Variants in USH2A observed in about 807,000 individuals in gnomAD.
The protein encoded by USH2A is usherin, also known as Usher syndrome 2A (autosomal recessive, mild).
In USH2A, 443 loss-of-function variants were observed where a neutral mutation model predicts 538.9. That is an observed-to-expected ratio of 0.82 (90% CI 0.76 to 0.89). USH2A has a LOEUF of 0.89. USH2A is among the 40% of genes least tolerant of loss of function. The probability of loss-of-function intolerance (pLI) is 0.00; values close to 1 mark genes in which losing one functional copy is unlikely to be tolerated. For synonymous variants in USH2A, 2,413 were observed against 2,273.5 expected, an observed-to-expected ratio of 1.06 and a Z score of -1.75; for missense variants, 6,633 against 6,324.8, an observed-to-expected ratio of 1.05 and a Z score of -1.65.
At chr1:216,172,585 C>T (rs984271445) in intron 21 of USH2A, among the ~76,000 whole-genome samples, 1 of 151,928 alleles carries the variant, frequency 6.6e-6, no homozygotes, top group Non-Finnish European at 1.5e-5. Context: ...GAGTTGAAAG[C>T]ACTGTTTTAA....
At chr1:216,250,838 C>A (rs1571622535) in intron 12 of USH2A, 65 bp downstream of exon 12, 28 of 1,558,002 alleles carry the variant, frequency 1.8e-5, no homozygotes, top group Non-Finnish European at 2.5e-5. Context: ...GTTAAGAAAT[C>A]AAATAGAGAA....
rs1159590905 is a variant in USH2A, at chr1:215,934,862, T to A, written c.7121-67A>T. ...GAATTCATTCCTGCTATTATTTGAG[T>A]ATTTTCTTGAGTTTCTAAATATACT... On this transcript the variant is annotated intron_variant, in intron 37 of 71. Coordinates refer to ENST00000307340, the MANE Select transcript of USH2A (RefSeq NM_206933.4). The A allele has an allele frequency of 4.8e-6, 7 of 1,448,296 alleles. No homozygotes were observed. The East Asian group carries it at 1.5e-4, about 31-fold the overall frequency. 89.7% of individuals were successfully genotyped at this position (1,448,296 alleles called of 1,614,324 possible). A position where few individuals can be genotyped will look rare whatever the true frequency, so the allele number is the denominator to read the frequency against.
In USH2A at chr1:216,108,414, T is replaced by C. The variant is rs2032788738; in HGVS notation, c.4628-11201A>G. On this transcript the variant is annotated intron_variant, in intron 21 of 71. Coordinates refer to ENST00000307340, the MANE Select transcript of USH2A (RefSeq NM_206933.4). Reference sequence around the variant, plus strand: ...TTTTATTTCCATAATCTTTTTTTTTTAGTAATCGGACTGTGAGTATACAAT... The same window carrying C: ...TTTTATTTCCATAATCTTTTTTTTTCAGTAATCGGACTGTGAGTATACAAT... 5.9e-5 allele frequency among the ~76,000 whole-genome samples: 9 copies of C among 151,662 alleles called. No individual in the cohort carries two copies. In the South Asian group the frequency reaches 1.9e-3, roughly 31 times the overall value.
At chr1:215,965,867 A>G (rs2576002) in intron 36 of USH2A, among the ~76,000 whole-genome samples, 57,239 of 151,282 alleles carry the variant, frequency 0.38, 11,144 homozygotes, top group Middle Eastern at 0.44. Context: ...TAGGTGGTAG[A>G]CTTCTGGCCT....
chr1:216,243,787 A>AT lies in USH2A; in HGVS notation c.2809+2797dup, dbSNP rs373545738. On this transcript the variant is annotated intron_variant, in intron 13 of 71. Coordinates refer to ENST00000307340, the MANE Select transcript of USH2A (RefSeq NM_206933.4). ...TAAATATTTTACAATACGCTGTTGA[A>AT]TTTTTTCAGTAAATAAAAATATTTT... Among the ~76,000 whole-genome samples the AT allele has an allele frequency of 4.8e-3, 735 of 152,162 alleles. 3 individuals carry two copies. The highest frequency in any genetic ancestry group is 0.017 in the African/African-American group (692 of 41,500).
chr1:215,951,897 G>A (rs1198464497), intron 37 of USH2A, among the ~76,000 whole-genome samples: 4 of 150,032 alleles, frequency 2.7e-5, no homozygotes, highest in South Asian at 2.1e-4. Flanking sequence ...TTGCTCTGTC[G>A]CCCAGGCTGG....
chr1:215,768,836 T>G (rs1393927022), intron 55 of USH2A, among the ~76,000 whole-genome samples: 2 of 152,212 alleles, frequency 1.3e-5, no homozygotes, highest in African/African-American at 4.8e-5. Context: ...ATTTAGAATA[T>G]AAGCCCTTTG....
intron 36 of USH2A, among the ~76,000 whole-genome samples, chr1:215,965,725 A>T (rs1192655799): frequency 6.6e-6 from 1 of 152,124 alleles, no homozygotes; most frequent in Non-Finnish European, 1.5e-5. Context: ...GAATATGTGG[A>T]TCTGCTCACA....
At chr1:215,629,868 C>G (rs573673702) in intron 70 of USH2A, among the ~76,000 whole-genome samples, 1 of 150,846 alleles carries the variant, frequency 6.6e-6, no homozygotes, top group East Asian at 2.0e-4. Flanking sequence ...CTCCGCCTCC[C>G]GGGTTCACGC....
chr1:216,240,843 C>A (rs1052667513), intron 13 of USH2A, among the ~76,000 whole-genome samples: 2 of 152,068 alleles, frequency 1.3e-5, no homozygotes, highest in Non-Finnish European at 2.9e-5. Flanking sequence ...GGAAGGAAAT[C>A]CCTAGTATAG....
At position 215,624,731 on chromosome 1, in the gene USH2A, A is replaced by T. The variant is rs571240283; in HGVS notation, c.*1050T>A. The T allele has an allele frequency of 6.6e-6, 1 of 152,266 alleles. No homozygotes were observed. The highest frequency in any genetic ancestry group is 2.1e-4 in the South Asian group (1 of 4,828). 9.4% of individuals were successfully genotyped at this position (152,266 alleles called of 1,614,324 possible). On this transcript the variant is annotated 3_prime_UTR_variant, in exon 72 of 72. Coordinates refer to ENST00000307340, the MANE Select transcript of USH2A (RefSeq NM_206933.4). ...TGATTCTGTGGCTAAAATAATGGCT[A>T]GTTCTCCAAAAAGAAGGGATATAGT...
At position 216,404,018 on chromosome 1, in the gene USH2A, G is replaced by C. The variant is rs547609161; in HGVS notation, c.651+14496C>G. Among the ~76,000 whole-genome samples, 6 of 152,214 alleles carry C rather than the reference G, an allele frequency of 3.9e-5. No homozygotes were observed. The South Asian group carries it at 6.2e-4, about 16-fold the overall frequency. On this transcript the variant is annotated intron_variant, in intron 3 of 71. Transcript: ENST00000307340. Reference sequence around the variant, plus strand: ...TTGTAAGTTTCCTGAGGCCTCCCCAGCCATGTGAAACCAAGTCAATTAAAC... The same window carrying C: ...TTGTAAGTTTCCTGAGGCCTCCCCACCCATGTGAAACCAAGTCAATTAAAC...
intron 24 of USH2A, 145 bp from the exon 25 acceptor site, chr1:216,085,022 A>G (rs572193327): frequency 9.5e-6 from 7 of 733,052 alleles, no homozygotes; most frequent in African/African-American, 1.8e-5. Context: ...TCATGTAAAC[A>G]CCACACCATC....
At chr1:215,691,652 T>G (rs1465278926) in intron 61 of USH2A, among the ~76,000 whole-genome samples, 2 of 152,216 alleles carry the variant, frequency 1.3e-5, no homozygotes, top group East Asian at 1.9e-4. Flanking sequence ...TATTTTTTTA[T>G]GATTATTGCT....
chr1:215,758,517 A>T, intron 58 of USH2A, 78 bp downstream of exon 58: 1 of 1,524,006 alleles, frequency 6.6e-7, no homozygotes, highest in Non-Finnish European at 9.0e-7. Context: ...TTACTAAATT[A>T]ACAGTTCTAT....
intron 62 of USH2A, among the ~76,000 whole-genome samples, chr1:215,679,746 G>T (rs748328011): frequency 6.6e-6 from 1 of 152,168 alleles, no homozygotes; most frequent in African/African-American, 2.4e-5. Flanking sequence ...CAAATAACTG[G>T]GTAGGGTAAT....
intron 47 of USH2A, among the ~76,000 whole-genome samples, chr1:215,835,851 A>G (rs113082539): frequency 0.02 from 3,094 of 152,176 alleles, 101 homozygotes; most frequent in African/African-American, 0.071. Flanking sequence ...TGCTTACAAA[A>G]TTGTGTTGCA....
intron 4 of USH2A, among the ~76,000 whole-genome samples, chr1:216,346,946 G>T (rs1259266321): frequency 6.6e-6 from 1 of 151,922 alleles, no homozygotes; most frequent in East Asian, 1.9e-4. Flanking sequence ...CAAATATTTT[G>T]TCAGAAAAGT....
chr1:216,077,816 A>C (rs2031802115), intron 27 of USH2A, among the ~76,000 whole-genome samples: 1 of 150,978 alleles, frequency 6.6e-6, no homozygotes, highest in Admixed American at 6.6e-5. Context: ...ATGTCACATT[A>C]ATAATAATAT....
Sources: allele counts gnomAD v4.1 joint callset (sites outside exome capture counted in the v4.1 genomes callset), GRCh38; gene constraint gnomAD v4.1.1; transcripts MANE v1.5; gene names NCBI Gene and HGNC (gene_info 2026-07-23, HGNC 2026-07-21).